Variants in CNTN5 observed in about 807,000 individuals in gnomAD.
CNTN5 encodes the protein contactin-5.
Under a neutral mutation model 129.1 loss-of-function variants are expected in CNTN5, and 77 were observed. The observed-to-expected ratio is 0.60, with a 90% CI of 0.50 to 0.72. The LOEUF (loss-of-function observed/expected upper bound fraction) is 0.72, where lower values mean the gene tolerates loss of function less well. CNTN5 is among the 30% of genes least tolerant of loss of function. The pLI, the probability that CNTN5 is intolerant of heterozygous loss-of-function variation, is 0.00. For synonymous variants in CNTN5, 509 were observed against 465.6 expected (o/e 1.09, Z -1.20); for missense variants, 1,478 against 1,328.8 (o/e 1.11, Z -1.75).
chr11:99,902,662 A>G (rs1428062230), intron 6 of CNTN5, among the ~76,000 whole-genome samples: 1 of 152,164 alleles, frequency 6.6e-6, no homozygotes, highest in African/African-American at 2.4e-5. Flanking sequence ...TCAAGAATTA[A>G]TTTATATAAT....
At chr11:99,849,145 A>G (rs1014765576) in intron 6 of CNTN5, among the ~76,000 whole-genome samples, 1 of 151,854 alleles carries the variant, frequency 6.6e-6, no homozygotes, top group South Asian at 2.1e-4. Context: ...TAAGTTATCC[A>G]TATACTAACA....
intron 9 of CNTN5, among the ~76,000 whole-genome samples, chr11:100,046,372 A>T (rs2137711515): frequency 6.6e-6 from 1 of 152,320 alleles, no homozygotes; most frequent in African/African-American, 2.4e-5. Flanking sequence ...GTATTCTCTC[A>T]AGAGGAAACC....
intron 3 of CNTN5, among the ~76,000 whole-genome samples, chr11:99,792,822 A>G (rs755598267): frequency 2.0e-5 from 3 of 152,058 alleles, no homozygotes; most frequent in Admixed American, 2.0e-4. Flanking sequence ...TGTTCTGTTC[A>G]GGGATTCACT....
chr11:99,905,626 C>CT (rs1198431149), intron 6 of CNTN5, among the ~76,000 whole-genome samples: 8 of 152,142 alleles, frequency 5.3e-5, no homozygotes, highest in African/African-American at 1.7e-4. Flanking sequence ...TGTACGGGCT[C>CT]TTTTTTGGTT....
At chr11:100,157,371 G>A (rs1189244218) in intron 13 of CNTN5, among the ~76,000 whole-genome samples, 1 of 151,766 alleles carries the variant, frequency 6.6e-6, no homozygotes, top group Non-Finnish European at 1.5e-5. Context: ...ATTTAATATA[G>A]AATTTTGAAA....
At chr11:99,778,614 G>C (rs1471151075) in intron 3 of CNTN5, among the ~76,000 whole-genome samples, 1 of 151,628 alleles carries the variant, frequency 6.6e-6, no homozygotes, top group East Asian at 2.0e-4. Flanking sequence ...GTCAGGAAGA[G>C]ATGGCCAAAT....
chr11:99,715,230 C>T (rs572020638), intron 3 of CNTN5, among the ~76,000 whole-genome samples: 26 of 151,918 alleles, frequency 1.7e-4, no homozygotes, highest in Admixed American at 2.6e-4. Context: ...CTTGGAGTTT[C>T]GCAATTACAT....
intron 2 of CNTN5, among the ~76,000 whole-genome samples, chr11:99,440,736 A>T: frequency 6.6e-6 from 1 of 152,124 alleles, no homozygotes; most frequent in Non-Finnish European, 1.5e-5. Flanking sequence ...ATGTCAGCAA[A>T]AGGGGAAGCA....
chr11:99,567,787 T>C lies in CNTN5; in HGVS notation c.55+11518T>C, dbSNP rs77295421. Among the ~76,000 whole-genome samples, 1,348 of 152,300 alleles carry C rather than the reference T, an allele frequency of 8.9e-3. 18 individuals carry two copies. The highest frequency in any genetic ancestry group is 0.029 in the African/African-American group (1,208 of 41,566). ...CTCTGTGTGGAAACCCAAGTTGACT[T>C]TTATCAGCTGTGCCCTGGCGGTATT... On this transcript the variant is annotated intron_variant, in intron 3 of 24. Coordinates refer to ENST00000524871, the MANE Select transcript of CNTN5 (RefSeq NM_014361.4).
chr11:99,515,140 A>T (rs890550189), intron 2 of CNTN5, among the ~76,000 whole-genome samples: 5 of 152,210 alleles, frequency 3.3e-5, no homozygotes, highest in African/African-American at 1.2e-4. Flanking sequence ...CTGTTGGTTC[A>T]GTATGTATAT....
At chr11:99,994,395 C>T (rs9943498) in intron 8 of CNTN5, among the ~76,000 whole-genome samples, 107,823 of 152,062 alleles carry the variant, frequency 0.71, 38,666 homozygotes, top group African/African-American at 0.82. Flanking sequence ...TAGTATTATA[C>T]TTAGAAAGAG....
intron 15 of CNTN5, among the ~76,000 whole-genome samples, chr11:100,216,236 G>C (rs974427367): frequency 2.0e-5 from 3 of 152,096 alleles, no homozygotes; most frequent in Non-Finnish European, 4.4e-5. Context: ...AGGTATCTGA[G>C]TATTCTTCCA....
intron 1 of CNTN5, among the ~76,000 whole-genome samples, chr11:99,192,161 A>C (rs533773376): frequency 6.6e-5 from 10 of 151,914 alleles, no homozygotes; most frequent in African/African-American, 2.2e-4. Context: ...TAACAAAAGA[A>C]AGAAGACAAA....
intron 3 of CNTN5, among the ~76,000 whole-genome samples, chr11:99,576,644 T>G (rs1949359947): frequency 6.6e-6 from 1 of 152,172 alleles, no homozygotes; most frequent in African/African-American, 2.4e-5. Flanking sequence ...ACTGGGTGGC[T>G]TATAAACAAT....
intron 16 of CNTN5, among the ~76,000 whole-genome samples, chr11:100,243,652 G>T (rs1157887634): frequency 6.6e-6 from 1 of 152,074 alleles, no homozygotes; most frequent in Non-Finnish European, 1.5e-5. Context: ...TTCTGTTTCT[G>T]CACATGAGCA....
intron 15 of CNTN5, among the ~76,000 whole-genome samples, chr11:100,196,952 G>A (rs914260362): frequency 9.9e-5 from 15 of 151,972 alleles, no homozygotes; most frequent in African/African-American, 3.6e-4. Context: ...TCACACCTAA[G>A]AGAGCACCAT....
intron 1 of CNTN5, among the ~76,000 whole-genome samples, chr11:99,178,777 T>C (rs1458393150): frequency 6.6e-6 from 1 of 152,064 alleles, no homozygotes; most frequent in Non-Finnish European, 1.5e-5. Context: ...GCTTTAATAA[T>C]CTTTTCAATT....
intron 7 of CNTN5, among the ~76,000 whole-genome samples, chr11:99,928,644 C>G (rs1477136921): frequency 6.6e-6 from 1 of 152,156 alleles, no homozygotes. Context: ...TGAGTCTGCA[C>G]AAAGCAGCAG....
At chr11:99,656,175 C>A (rs1952356874) in intron 3 of CNTN5, among the ~76,000 whole-genome samples, 1 of 151,924 alleles carries the variant, frequency 6.6e-6, no homozygotes, top group Admixed American at 6.6e-5. Context: ...GTCTTTACAT[C>A]CTACCTCTTT....
Sources: allele counts gnomAD v4.1 joint callset (sites outside exome capture counted in the v4.1 genomes callset), GRCh38; gene constraint gnomAD v4.1.1; transcripts MANE v1.5; gene names NCBI Gene and HGNC (gene_info 2026-07-23, HGNC 2026-07-21).